Variants in ABCA9 observed in about 807,000 individuals in gnomAD.
ABCA9 encodes ATP binding cassette subfamily A member 9.
In ABCA9, 183 loss-of-function variants were observed where a neutral mutation model predicts 205.3. That is an observed-to-expected ratio of 0.89 (90% CI 0.79 to 1.01). The LOEUF is 1.01. Among genes scored for constraint, ABCA9 ranks in the 50% least tolerant of loss-of-function variants. The probability of loss-of-function intolerance (pLI) is 0.00; values close to 1 mark genes in which losing one functional copy is unlikely to be tolerated. For synonymous variants in ABCA9, 651 were observed against 683.3 expected, an observed-to-expected ratio of 0.95 and a Z score of 0.74; for missense variants, 1,805 against 1,912.4, an observed-to-expected ratio of 0.94 and a Z score of 1.05.
intron 1 of ABCA9, among the ~76,000 whole-genome samples, chr17:69,057,910 T>C (rs922074182): frequency 8.5e-5 from 13 of 152,170 alleles, no homozygotes; most frequent in African/African-American, 2.4e-4. Flanking sequence ...CATTAGGTAT[T>C]GTAAGTAAGC....
chr17:69,029,492 T>G (rs1379937395), intron 10 of ABCA9, among the ~76,000 whole-genome samples: 1 of 152,134 alleles, frequency 6.6e-6, no homozygotes, highest in Non-Finnish European at 1.5e-5. Context: ...GGAAATATAT[T>G]GTTAGAAGAA....
chr17:69,065,724 T>C (rs1243009207), upstream of ABCA9, among the ~76,000 whole-genome samples: 3 of 152,180 alleles, frequency 2.0e-5, no homozygotes, highest in Non-Finnish European at 4.4e-5. Flanking sequence ...ACAAGGTGCC[T>C]TCCTTGCTGA....
chr17:69,019,656 G>A (rs2070748674), intron 19 of ABCA9, among the ~76,000 whole-genome samples: 1 of 152,158 alleles, frequency 6.6e-6, no homozygotes, highest in South Asian at 2.1e-4. Context: ...ATAATAGAGT[G>A]TTGCATAGAG....
At chr17:69,064,251 T>G (rs934210890), upstream of ABCA9, among the ~76,000 whole-genome samples, 1 of 152,214 alleles carries the variant, frequency 6.6e-6, no homozygotes, top group Admixed American at 6.5e-5. Context: ...TTTTTTCAGG[T>G]TCCCCTTTTC....
chr17:69,051,155 A>T lies in ABCA9; in HGVS notation c.-13-16T>A. 1.9e-6 allele frequency: 3 copies of T among 1,610,874 alleles called. No homozygotes were observed. In the South Asian group the frequency reaches 3.3e-5, roughly 18 times the overall value. On this transcript the variant is annotated splice_polypyrimidine_tract_variant and intron_variant, in intron 1 of 38. Coordinates refer to ENST00000340001, the MANE Select transcript of ABCA9 (RefSeq NM_080283.4). ...GACCTGTTTCCTTTAAAAAGACAGA[A>T]AAAAAATGAAGTACATGTGAAGGTC...
intron 1 of ABCA9, among the ~76,000 whole-genome samples, chr17:69,056,330 G>A (rs1250115392): frequency 6.6e-6 from 1 of 151,446 alleles, no homozygotes; most frequent in Non-Finnish European, 1.5e-5. Flanking sequence ...TGAAAGAGGG[G>A]GCATCACTAC....
intron 25 of ABCA9, among the ~76,000 whole-genome samples, chr17:68,999,068 G>A (rs1176397749): frequency 6.6e-6 from 1 of 151,926 alleles, no homozygotes; most frequent in East Asian, 1.9e-4. Flanking sequence ...CTCTGATAAA[G>A]TGCTTATTAT....
chr17:69,036,364 A>G (rs1009402380), intron 6 of ABCA9, among the ~76,000 whole-genome samples: 1 of 152,208 alleles, frequency 6.6e-6, no homozygotes, highest in Non-Finnish European at 1.5e-5. Context: ...ACATGCCACA[A>G]AATATTATTG....
intron 25 of ABCA9, 128 bp from the exon 26 acceptor site, chr17:68,996,142 T>C (rs2069616892): frequency 2.2e-6 from 2 of 901,504 alleles, no homozygotes; most frequent in Non-Finnish European, 3.2e-6. Flanking sequence ...CCAGTATTTA[T>C]ATCATTTCTT....
rs1404727175 is a variant in ABCA9 at position 68,995,876 on chromosome 17, C to G, written c.3555+19G>C. 3.7e-6 allele frequency: 6 copies of G among 1,612,630 alleles called. No individual in the cohort carries two copies. Among genetic ancestry groups the G allele is most frequent in the Non-Finnish European group, 5.1e-6 (6 of 1,179,644 alleles). On this transcript the variant is annotated intron_variant, in intron 26 of 38. Transcript: ENST00000340001. ...GACCACACATTTCATGACCCTCAGA[C>G]AGAAGTGGAACTACTTACCTCAGAA...
chr17:69,075,511 G>T, the ABCA9 span, among the ~76,000 whole-genome samples: 1 of 151,912 alleles, frequency 6.6e-6, no homozygotes, highest in South Asian at 2.1e-4. Flanking sequence ...GTCCTTTCCC[G>T]ATTGCTTATT....
At chr17:69,043,371 G>T in intron 6 of ABCA9, 118 bp downstream of exon 6, 2 of 722,576 alleles carry the variant, frequency 2.8e-6, no homozygotes, top group Non-Finnish European at 2.3e-6. Flanking sequence ...TACCTAACTG[G>T]CCATGGACCA....
At chr17:68,988,580 T>G (rs2069327258) in intron 31 of ABCA9, among the ~76,000 whole-genome samples, 1 of 152,220 alleles carries the variant, frequency 6.6e-6, no homozygotes, top group South Asian at 2.1e-4. Context: ...ACTCTTATTG[T>G]TACACAAGTC....
At chr17:69,003,852 CTTCATTTCA>C (rs1273544418) in intron 25 of ABCA9, among the ~76,000 whole-genome samples, 1 of 152,112 alleles carries the variant, frequency 6.6e-6, no homozygotes, top group Non-Finnish European at 1.5e-5. Flanking sequence ...TCCCTTCTCG[CTTCATTTCA>C]TTCATTTCAT....
intron 37 of ABCA9, among the ~76,000 whole-genome samples, chr17:68,981,499 A>G (rs2069051320): frequency 6.6e-6 from 1 of 152,156 alleles, no homozygotes; most frequent in Admixed American, 6.5e-5. Flanking sequence ...CCATTGGGGC[A>G]TAATGGTCAG....
At chr17:69,032,528 CAG>C (rs1440813959) in intron 9 of ABCA9, 14 of 321,600 alleles carry the variant, frequency 4.4e-5, no homozygotes, top group Admixed American at 9.0e-5. Flanking sequence ...CCTCAAAATG[CAG>C]AGAGATGTCT....
chr17:69,007,275 C>T (rs2070178913), intron 25 of ABCA9, among the ~76,000 whole-genome samples: 1 of 152,208 alleles, frequency 6.6e-6, no homozygotes, highest in East Asian at 1.9e-4. Flanking sequence ...GTGGCGCACA[C>T]CTGTAATCCT....
At chr17:69,027,919 A>T (rs2071045435) in intron 12 of ABCA9, 104 bp from the exon 13 acceptor site, 2 of 925,558 alleles carry the variant, frequency 2.2e-6, no homozygotes, top group Non-Finnish European at 3.2e-6. Context: ...GATTCATTTC[A>T]ACATTGTTTA....
At chr17:69,007,105 A>G (rs2070166461) in intron 25 of ABCA9, among the ~76,000 whole-genome samples, 1 of 152,188 alleles carries the variant, frequency 6.6e-6, no homozygotes. Flanking sequence ...ATTCTGCTGC[A>G]ATAATGTAAT....
Sources: gnomAD v4.1 joint callset for allele counts (sites outside exome capture counted in the v4.1 genomes callset) on GRCh38, gnomAD v4.1.1 for gene constraint, MANE v1.5 for transcripts, NCBI Gene and HGNC (gene_info 2026-07-23, HGNC 2026-07-21) for gene names.